The following ADAM20 variants were observed in gnomAD, a reference collection of about 807,000 sequenced individuals.
ADAM20 encodes ADAM metallopeptidase domain 20, also known as disintegrin and metalloproteinase domain-containing protein 20.
For missense variants in ADAM20, 871 were observed against 883.2 expected, an observed-to-expected ratio of 0.99 and a Z score of 0.18; for synonymous variants, 305 against 310.2, an observed-to-expected ratio of 0.98 and a Z score of 0.18.
chr14:70,533,117 T>C (rs141692674), intron 1 of ADAM20, among the ~76,000 whole-genome samples: 1 of 152,254 alleles, frequency 6.6e-6, no homozygotes, highest in Non-Finnish European at 1.5e-5. Flanking sequence ...TTAGAGAGGA[T>C]GTGGAGAAAT....
the ADAM20 span, among the ~76,000 whole-genome samples, chr14:70,544,628 C>T: frequency 6.5e-4 from 99 of 151,834 alleles, no homozygotes; most frequent in Middle Eastern, 3.2e-3. Context: ...AATGAAAGTA[C>T]AAAATAATTC....
chr14:70,558,453 T>A, the ADAM20 span, among the ~76,000 whole-genome samples: 1 of 152,146 alleles, frequency 6.6e-6, no homozygotes, highest in Non-Finnish European at 1.5e-5. Context: ...TTCAAACATA[T>A]GTATCTGTGT....
the ADAM20 span, chr14:70,556,854 A>G: frequency 6.6e-6 from 1 of 152,244 alleles, no homozygotes; most frequent in South Asian, 2.1e-4. Flanking sequence ...CTCAAAAAAC[A>G]AAAAGAAAGT....
chr14:70,523,590 T>G lies in ADAM20; in HGVS notation c.1168A>C (p.Ser390Arg). 1 of 1,614,104 alleles carries G rather than the reference T, an allele frequency of 6.2e-7. No homozygotes were observed. Among genetic ancestry groups the G allele is most frequent in the Non-Finnish European group, 8.5e-7 (1 of 1,179,994 alleles). ...GGCGGTTGAATACATAATCCACTAC[T>G]GATAGTACTGTCCCAATATTGGGCA... is the stretch of plus-strand genomic sequence containing the variant. ...SYAQYWDSTI[S>R]SGLCIQPPPY... The change falls in exon 2 of 2, where the codon AGT becomes CGT. Residue 390 changes from serine to arginine, a missense_variant. Physicochemically the swap from Ser to Arg is moderately radical, Grantham distance 110. Coordinates refer to ENST00000256389, the MANE Select transcript of ADAM20 (RefSeq NM_003814.5).
At chr14:70,574,989 A>C in the ADAM20 span, among the ~76,000 whole-genome samples, 1 of 152,066 alleles carries the variant, frequency 6.6e-6, no homozygotes, top group Non-Finnish European at 1.5e-5. Context: ...AAAAAAAGAT[A>C]CTAGACTCAC....
intron 1 of ADAM20, among the ~76,000 whole-genome samples, chr14:70,526,197 C>T (rs1481099818): frequency 6.6e-6 from 1 of 152,172 alleles, no homozygotes; most frequent in Non-Finnish European, 1.5e-5. Context: ...TAATGATTTG[C>T]TCATATTTGA....
the ADAM20 span, among the ~76,000 whole-genome samples, chr14:70,570,805 G>GA: frequency 0.037 from 5,452 of 145,980 alleles, 112 homozygotes; most frequent in Middle Eastern, 0.062. Flanking sequence ...CAAGGACACA[G>GA]AAAAAAAAAA....
upstream of ADAM20, chr14:70,535,049 A>G (rs1883803146): frequency 6.6e-6 from 1 of 152,252 alleles, no homozygotes; most frequent in African/African-American, 2.4e-5. Context: ...TGACATCACA[A>G]TTAGTTACTA....
chr14:70,535,433 T>G (rs1206624358), upstream of ADAM20, among the ~76,000 whole-genome samples: 2 of 152,200 alleles, frequency 1.3e-5, no homozygotes, highest in Non-Finnish European at 2.9e-5. Context: ...ACTTTGAGAC[T>G]TGAAATAGAG....
chr14:70,570,429 A>G, the ADAM20 span, among the ~76,000 whole-genome samples: 1 of 152,194 alleles, frequency 6.6e-6, no homozygotes, highest in Admixed American at 6.5e-5. Flanking sequence ...ATAAAAAATG[A>G]TAAAGGTGAC....
At chr14:70,534,455 A>G (rs1202374757) in intron 1 of ADAM20, among the ~76,000 whole-genome samples, 1 of 152,188 alleles carries the variant, frequency 6.6e-6, no homozygotes, top group East Asian at 1.9e-4. Flanking sequence ...GGTGGAAAAA[A>G]AATGTAAATA....
the ADAM20 span, among the ~76,000 whole-genome samples, chr14:70,540,801 T>C: frequency 1.3e-5 from 2 of 152,206 alleles, no homozygotes; most frequent in Admixed American, 6.5e-5. Context: ...AAAAATAATT[T>C]TTTTTTCTTT....
the ADAM20 span, among the ~76,000 whole-genome samples, chr14:70,559,393 C>T: frequency 2.0e-5 from 3 of 152,124 alleles, no homozygotes; most frequent in African/African-American, 7.2e-5. Context: ...CACTTCTCAC[C>T]ATCCCCATCA....
intron 1 of ADAM20, among the ~76,000 whole-genome samples, chr14:70,525,345 AC>A (rs1883567018): frequency 6.6e-6 from 1 of 152,034 alleles, no homozygotes; most frequent in African/African-American, 2.4e-5. Flanking sequence ...TCCAAGTAGA[AC>A]TGCAGGCATG....
the ADAM20 span, among the ~76,000 whole-genome samples, chr14:70,579,207 T>C: frequency 1.3e-5 from 2 of 152,142 alleles, no homozygotes; most frequent in African/African-American, 2.4e-5. Context: ...TACCCAGTAA[T>C]GGGATTGCTG....
chr14:70,568,743 T>C, the ADAM20 span, among the ~76,000 whole-genome samples: 1 of 152,152 alleles, frequency 6.6e-6, no homozygotes, highest in African/African-American at 2.4e-5. Context: ...CTGGAAGTTT[T>C]AATAACAGAT....
At chr14:70,577,086 A>G in the ADAM20 span, among the ~76,000 whole-genome samples, 6 of 152,220 alleles carry the variant, frequency 3.9e-5, no homozygotes, top group Non-Finnish European at 8.8e-5. Flanking sequence ...ACTGTTTGGT[A>G]TGCAAACTCT....
At chr14:70,539,127 A>T (rs1367590342), upstream of ADAM20, among the ~76,000 whole-genome samples, 1 of 151,712 alleles carries the variant, frequency 6.6e-6, no homozygotes, top group East Asian at 1.9e-4. Context: ...CTATGAATGG[A>T]CGTGCAGTCA....
At position 70,523,289 on chromosome 14, in the gene ADAM20, T is replaced by C. The variant is rs1883497736; in HGVS notation, c.1469A>G (p.Tyr490Cys). 5 of 1,614,046 alleles carry C rather than the reference T, an allele frequency of 3.1e-6. No homozygotes were observed. Among genetic ancestry groups the C allele is most frequent in the Non-Finnish European group, 2.5e-6 (3 of 1,179,938 alleles). The change falls in exon 2 of 2, where the codon TAT (tyrosine) becomes TGT (cysteine). Residue 490 changes from tyrosine to cysteine, a missense_variant. Coordinates refer to ENST00000256389, the MANE Select transcript of ADAM20 (RefSeq NM_003814.5). ...ATTACAGGAGATCCCGTCCTGCACA[T>C]ACACATCATCTGGGCATTGATGGGA... is the stretch of plus-strand genomic sequence containing the variant. ...GTSHQCPDDV[Y>C]VQDGISCNVN...
Sources: gnomAD v4.1 joint callset for allele counts (sites outside exome capture counted in the v4.1 genomes callset) on GRCh38, gnomAD v4.1.1 for gene constraint, MANE v1.5 for transcripts, NCBI Gene and HGNC (gene_info 2026-07-23, HGNC 2026-07-21) for gene names.